KAZN: variants seen among roughly 807,000 people sequenced by gnomAD.
KAZN encodes kazrin.
In KAZN, 40 loss-of-function variants were observed where a neutral mutation model predicts 87.4. The observed-to-expected ratio is 0.46, with a 90% CI of 0.36 to 0.60. KAZN has a LOEUF of 0.60. Among genes scored for constraint, KAZN ranks in the 20% least tolerant of loss-of-function variants. The pLI is 0.00. For synonymous variants in KAZN, 466 were observed against 458.3 expected, an observed-to-expected ratio of 1.02 and a Z score of -0.22; for missense variants, 898 against 1,073.9, an observed-to-expected ratio of 0.84 and a Z score of 2.29.
chr1:14,404,982 C>A (rs917047204), intron 2 of KAZN, among the ~76,000 whole-genome samples: 4 of 152,158 alleles, frequency 2.6e-5, no homozygotes, highest in African/African-American at 7.2e-5. Flanking sequence ...GAATTCTATG[C>A]CTTTGTGCAT....
At chr1:14,258,218 C>CTTTCTTTCT (rs539198790) in intron 2 of KAZN, among the ~76,000 whole-genome samples, 4 of 126,452 alleles carry the variant, frequency 3.2e-5, no homozygotes, top group African/African-American at 1.2e-4. Context: ...TTCTTTCTTT[C>CTTTCTTTCT]TTTTTTTTTT....
chr1:14,971,588 GAGAGGAGAA>G (rs747792304), intron 2 of KAZN, among the ~76,000 whole-genome samples: 1 of 151,588 alleles, frequency 6.6e-6, no homozygotes, highest in Non-Finnish European at 1.5e-5. Flanking sequence ...AAATAGGGAA[GAGAGGAGAA>G]AGAGGAGAGG....
At chr1:14,357,493 C>T (rs1659135811) in intron 2 of KAZN, among the ~76,000 whole-genome samples, 1 of 152,166 alleles carries the variant, frequency 6.6e-6, no homozygotes, top group Non-Finnish European at 1.5e-5. Context: ...GCATCCTTGT[C>T]TTGTGCCGGT....
chr1:14,827,268 C>A (rs74347537), intron 1 of KAZN, among the ~76,000 whole-genome samples: 5,529 of 152,066 alleles, frequency 0.036, 152 homozygotes, highest in East Asian at 0.091. Context: ...GTTTTTTAAA[C>A]TTTCCGTAAG....
intron 1 of KAZN, among the ~76,000 whole-genome samples, chr1:14,895,908 G>C (rs1655212662): frequency 6.6e-6 from 1 of 152,178 alleles, no homozygotes; most frequent in African/African-American, 2.4e-5. Context: ...TTTCATTTAA[G>C]TAGTCAGGAG....
At chr1:14,589,714 A>T (rs1470042047) in intron 2 of KAZN, among the ~76,000 whole-genome samples, 1 of 152,162 alleles carries the variant, frequency 6.6e-6, no homozygotes, top group Non-Finnish European at 1.5e-5. Context: ...TCATCAAGGG[A>T]TGTTAGAGTC....
At chr1:14,468,011 C>T (rs1668257296) in intron 2 of KAZN, among the ~76,000 whole-genome samples, 1 of 152,084 alleles carries the variant, frequency 6.6e-6, no homozygotes, top group Non-Finnish European at 1.5e-5. Context: ...CTTCTTCTGA[C>T]CAATATGGTC....
intron 3 of KAZN, among the ~76,000 whole-genome samples, chr1:15,039,382 A>G (rs74755304): frequency 0.018 from 2,809 of 152,176 alleles, 93 homozygotes; most frequent in African/African-American, 0.064. Context: ...GGCCTGGGCC[A>G]CCGTCCCCAC....
chr1:14,530,713 C>T (rs997809704), intron 2 of KAZN, among the ~76,000 whole-genome samples: 1 of 152,150 alleles, frequency 6.6e-6, no homozygotes, highest in Non-Finnish European at 1.5e-5. Flanking sequence ...GAGGCCTCCC[C>T]AGAAGCAGAT....
chr1:14,380,704 G>T (rs905993978), intron 2 of KAZN, among the ~76,000 whole-genome samples: 1 of 152,136 alleles, frequency 6.6e-6, no homozygotes, highest in African/African-American at 2.4e-5. Flanking sequence ...AAAAAAGAAT[G>T]AAGCACACCT....
rs959504203 is a variant in KAZN, at chr1:14,706,671, A to C, written c.226+107448A>C. On this transcript the variant is annotated intron_variant, in intron 1 of 14. Coordinates refer to ENST00000376030, the MANE Select transcript of KAZN (RefSeq NM_201628.3). ...AGACGTTACTTCAAAATATGGTTAC[A>C]GTTGGAGGTACTGAGGGTTGGGACT... is the stretch of plus-strand genomic sequence containing the variant. Among the ~76,000 whole-genome samples the C allele has an allele frequency of 1.3e-5, 2 of 152,204 alleles. 1 individual carries two copies. The highest frequency in any genetic ancestry group is 4.1e-4 in the South Asian group (2 of 4,836).
At chr1:14,767,206 AAGG>A (rs1644907842) in intron 1 of KAZN, among the ~76,000 whole-genome samples, 1 of 152,208 alleles carries the variant, frequency 6.6e-6, no homozygotes, top group Admixed American at 6.5e-5. Flanking sequence ...GGTTAGGATT[AAGG>A]AGAACTTCAG....
chr1:14,253,823 A>G (rs1158625851), intron 2 of KAZN, among the ~76,000 whole-genome samples: 5 of 151,908 alleles, frequency 3.3e-5, no homozygotes, highest in Admixed American at 1.3e-4. Context: ...CATTTCATAG[A>G]GCCCTCCCCG....
intron 1 of KAZN, among the ~76,000 whole-genome samples, chr1:14,731,674 A>G (rs1557432611): frequency 6.6e-6 from 1 of 152,208 alleles, no homozygotes; most frequent in Non-Finnish European, 1.5e-5. Context: ...AAGAGGACAC[A>G]CAGCTAGTGG....
chr1:14,754,652 T>C (rs866069373), intron 1 of KAZN, among the ~76,000 whole-genome samples: 6 of 152,110 alleles, frequency 3.9e-5, no homozygotes, highest in Non-Finnish European at 7.4e-5. Context: ...AAAATTCAAA[T>C]TCATTAATCC....
At chr1:14,952,910 A>G (rs1049107320) in intron 1 of KAZN, among the ~76,000 whole-genome samples, 4 of 152,148 alleles carry the variant, frequency 2.6e-5, no homozygotes, top group African/African-American at 9.7e-5. Context: ...TGCTTTGTTT[A>G]ATGTTTACCG....
intron 2 of KAZN, among the ~76,000 whole-genome samples, chr1:14,215,344 C>A (rs940696110): frequency 6.6e-6 from 1 of 152,058 alleles, no homozygotes; most frequent in African/African-American, 2.4e-5. Context: ...ATTTATTTAA[C>A]CAAAATGATT....
chr1:14,128,737 C>T (rs1291907937), intron 1 of KAZN, among the ~76,000 whole-genome samples: 3 of 152,126 alleles, frequency 2.0e-5, no homozygotes, highest in Non-Finnish European at 4.4e-5. Flanking sequence ...GGGACATATT[C>T]CAGCCCATAA....
In KAZN at chr1:15,077,270, C is replaced by T. The variant is rs548406385; in HGVS notation, c.1222+11517C>T. On this transcript the variant is annotated intron_variant, in intron 8 of 14. Transcript: ENST00000376030. The surrounding 1 kb of genome is among the most constrained non-coding windows in gnomAD (Gnocchi z 4.8). The stretch of plus-strand genomic sequence containing the variant: ...CTAGATTCTCTCTCTGTGGACACCT[C>T]GTGCTCTGACAGTCCCTGGTCTTCC... Among the ~76,000 whole-genome samples the T allele has an allele frequency of 9.8e-5, 15 of 152,288 alleles. No homozygotes were observed. The highest frequency in any genetic ancestry group is 2.6e-4 in the African/African-American group (11 of 41,564).
Sources: gnomAD v4.1 joint callset for allele counts (sites outside exome capture counted in the v4.1 genomes callset) on GRCh38, gnomAD v4.1.1 for gene constraint, Gnocchi (gnomAD v3.1) non-coding constraint, MANE v1.5 for transcripts, NCBI Gene and HGNC (gene_info 2026-07-23, HGNC 2026-07-21) for gene names.